The following MYOM2 variants were observed in gnomAD, a reference collection of about 807,000 sequenced individuals.
MYOM2 encodes myomesin-2.
A neutral mutation model predicts 187.6 loss-of-function variants in MYOM2; 254 were observed. The ratio of observed to expected loss-of-function variants is 1.35; its 90% CI spans 1.22 to 1.50. The LOEUF (loss-of-function observed/expected upper bound fraction) is 1.50, where lower values mean the gene tolerates loss of function less well. Among genes scored for constraint, MYOM2 ranks in the 40% most tolerant of loss-of-function variants. The pLI, the probability that MYOM2 is intolerant of heterozygous loss-of-function variation, is 0.00. For synonymous variants in MYOM2, 981 were observed against 753.8 expected, an observed-to-expected ratio of 1.30 and a Z score of -4.94; for missense variants, 2,796 against 1,924.0, an observed-to-expected ratio of 1.45 and a Z score of -8.48.
intron 31 of MYOM2, among the ~76,000 whole-genome samples, chr8:2,124,949 C>A (rs1002388878): frequency 6.6e-6 from 1 of 151,748 alleles, no homozygotes; most frequent in Non-Finnish European, 1.5e-5. Flanking sequence ...TTGTTTTTTT[C>A]CTGTGGAGTT....
chr8:2,098,343 C>G (rs3779844), intron 18 of MYOM2, among the ~76,000 whole-genome samples: 57,993 of 152,004 alleles, frequency 0.38, 11,960 homozygotes, highest in East Asian at 0.54. Context: ...GTGGGTGGCC[C>G]CAGACTGCAG....
At chr8:2,090,632 C>T (rs142820791) in intron 15 of MYOM2, among the ~76,000 whole-genome samples, 2 of 152,240 alleles carry the variant, frequency 1.3e-5, no homozygotes, top group Non-Finnish European at 2.9e-5. Context: ...CACCCTAGAC[C>T]CTCTGATAGT....
chr8:2,067,651 G>A (rs1442781449), intron 6 of MYOM2, among the ~76,000 whole-genome samples: 1 of 152,176 alleles, frequency 6.6e-6, no homozygotes, highest in African/African-American at 2.4e-5. Flanking sequence ...CAGCCAAGAA[G>A]AGAAGTTTTA....
chr8:2,134,094 G>T (rs562526960), intron 32 of MYOM2, among the ~76,000 whole-genome samples: 1 of 151,286 alleles, frequency 6.6e-6, no homozygotes, highest in Non-Finnish European at 1.5e-5. Flanking sequence ...GCTGAATGAT[G>T]ATGTAATACT....
intron 17 of MYOM2, among the ~76,000 whole-genome samples, chr8:2,095,607 A>AT (rs1257931328): frequency 1.3e-5 from 2 of 152,138 alleles, no homozygotes; most frequent in Admixed American, 6.5e-5. Flanking sequence ...TTATTCTATG[A>AT]TAAGAATCAC....
chr8:2,112,566 G>C (rs1797103478), intron 25 of MYOM2, among the ~76,000 whole-genome samples: 2 of 152,060 alleles, frequency 1.3e-5, no homozygotes, highest in South Asian at 4.1e-4. Context: ...TGGGGAATAG[G>C]AGTGGGGTCA....
At chr8:2,134,474 A>G (rs138017778) in intron 32 of MYOM2, among the ~76,000 whole-genome samples, 65 of 151,560 alleles carry the variant, frequency 4.3e-4, no homozygotes, top group African/African-American at 1.5e-3. Flanking sequence ...TAATTAGTAA[A>G]TACTTCAGGA....
chr8:2,047,478 C>T (rs970156477), intron 1 of MYOM2, among the ~76,000 whole-genome samples: 1 of 152,154 alleles, frequency 6.6e-6, no homozygotes, highest in Non-Finnish European at 1.5e-5. Context: ...GAGTCAAATG[C>T]GCAGAAGACT....
chr8:2,104,903 C>T (rs1220144144), intron 21 of MYOM2, among the ~76,000 whole-genome samples: 1 of 152,190 alleles, frequency 6.6e-6, no homozygotes, highest in South Asian at 2.1e-4. Flanking sequence ...AGACACGAGT[C>T]TATCTTAACG....
In MYOM2 at chr8:2,100,129, T is replaced by TTCC. The variant is rs1796648799; in HGVS notation, c.2441-746_2441-745insCCT. Among the ~76,000 whole-genome samples the TTCC allele has an allele frequency of 3.5e-3, 161 of 45,580 alleles. 6 individuals carry two copies. The highest frequency in any genetic ancestry group is 0.012 in the African/African-American group (147 of 12,308). 29.9% of individuals were successfully genotyped at this position (45,580 alleles called of 152,430 possible). ...CCTTCTTTCTTTCCTTCCTTCCTTC[T>TTCC]TTCCTTCCTTCCTTCCTTCCTTCCT... On this transcript the variant is annotated intron_variant, in intron 19 of 36. Coordinates refer to ENST00000262113, the MANE Select transcript of MYOM2 (RefSeq NM_003970.4).
intron 6 of MYOM2, 143 bp from the exon 7 acceptor site, chr8:2,069,135 C>G (rs2129333307): frequency 1.4e-6 from 1 of 722,014 alleles, no homozygotes; most frequent in East Asian, 2.7e-5. Flanking sequence ...AAGGACAGAG[C>G]TGGCATTGTT....
At chr8:2,068,149 G>A (rs528542652) in intron 6 of MYOM2, among the ~76,000 whole-genome samples, 2 of 151,882 alleles carry the variant, frequency 1.3e-5, no homozygotes, top group African/African-American at 2.4e-5. Context: ...AGAGCATACC[G>A]GGGGGCGGCA....
chr8:2,047,939 TA>T (rs1818361733), intron 1 of MYOM2, among the ~76,000 whole-genome samples: 1 of 152,232 alleles, frequency 6.6e-6, no homozygotes, highest in African/African-American at 2.4e-5. Flanking sequence ...GGTTGAAGGA[TA>T]GCTAGTCTGT....
In MYOM2 at chr8:2,129,194, G is replaced by C. The variant is rs376914967; in HGVS notation, c.3762G>C (p.Lys1254Asn). ...GAATACGACTTCAGTGTTTCATGAA[G>C]TATTTTACAGACGAAATGAAAGTGA... ...PEGIRLQCFM[K>N]YFTDEMKVNW... is the part of the protein sequence containing the mutation. The change falls in exon 32 of 37, where the codon AAG becomes AAC. Residue 1254 changes from lysine to asparagine, a missense_variant. Lys to Asn is a moderately conservative substitution (Grantham distance 94). Coordinates refer to ENST00000262113, the MANE Select transcript of MYOM2 (RefSeq NM_003970.4). 79 of 1,611,576 alleles carry C rather than the reference G, an allele frequency of 4.9e-5. No homozygotes were observed. Among genetic ancestry groups the C allele is most frequent in the Non-Finnish European group, 6.5e-5 (77 of 1,177,858 alleles).
chr8:2,116,316 T>G, intron 27 of MYOM2, 41 bp downstream of exon 27: 1 of 1,570,762 alleles, frequency 6.4e-7, no homozygotes, highest in South Asian at 1.2e-5. Context: ...GCCCCTAGCA[T>G]AAAGCAAAGA....
rs573870698 is a variant in MYOM2 at position 2,061,559 on chromosome 8, C to T, written c.653+2314C>T. Reference sequence around the variant, plus strand: ...CATCCTGGTGGCCTGAGCATGGCTTCTGCCCGGTGGTGCCCCTCCCCGAGT... The same window carrying T: ...CATCCTGGTGGCCTGAGCATGGCTTTTGCCCGGTGGTGCCCCTCCCCGAGT... On this transcript the variant is annotated intron_variant, in intron 6 of 36. Coordinates refer to ENST00000262113, the MANE Select transcript of MYOM2 (RefSeq NM_003970.4). Among the ~76,000 whole-genome samples, 8 of 152,302 alleles carry T rather than the reference C, an allele frequency of 5.3e-5. No homozygotes were observed. In the East Asian group the frequency reaches 1.6e-3, roughly 30 times the overall value.
intron 7 of MYOM2, 40 bp from the exon 8 acceptor site, chr8:2,069,407 C>T (rs1427016627): frequency 1.2e-6 from 2 of 1,613,822 alleles, no homozygotes; most frequent in Non-Finnish European, 1.7e-6. Flanking sequence ...CTCCCGCCTC[C>T]TTTTCTCTTT....
At position 2,116,024 on chromosome 8, in the gene MYOM2, T is replaced by C; in HGVS notation, c.3245T>C (p.Ile1082Thr). ...IIEMVMDRFSIENEGTYTVQI... is the reference protein window; with the variant it reads ...IIEMVMDRFSTENEGTYTVQI... The stretch of plus-strand genomic sequence containing the variant: ...GAGATGGTGATGGATCGATTTAGTA[T>C]TGAAAATGAGGGGACCTACACTGTG... The change falls in exon 26 of 37, where the codon ATT becomes ACT. Residue 1082 changes from isoleucine to threonine, a missense_variant. Physicochemically the swap from Ile to Thr is moderately conservative, Grantham distance 89. Coordinates refer to ENST00000262113, the MANE Select transcript of MYOM2 (RefSeq NM_003970.4). 2 of 1,613,970 alleles carry C rather than the reference T, an allele frequency of 1.2e-6. No homozygotes were observed. The highest frequency in any genetic ancestry group is 1.7e-6 in the Non-Finnish European group (2 of 1,179,992).
At chr8:2,045,706 C>T (rs147579872) in intron 1 of MYOM2, among the ~76,000 whole-genome samples, 156 of 152,324 alleles carry the variant, frequency 1.0e-3, no homozygotes, top group African/African-American at 3.6e-3. Context: ...AAAATGACAG[C>T]GTTCTTACGG....
Sources: allele counts gnomAD v4.1 joint callset (sites outside exome capture counted in the v4.1 genomes callset), GRCh38; gene constraint gnomAD v4.1.1; transcripts MANE v1.5; gene names NCBI Gene and HGNC (gene_info 2026-07-23, HGNC 2026-07-21).